SLC35F4: variants seen among roughly 807,000 people sequenced by gnomAD.
SLC35F4 encodes chromosome 14 open reading frame 36.
SLC35F4 carries 24 observed loss-of-function variants against 44.2 expected under a neutral mutation model. The observed-to-expected ratio is 0.54, with a 90% confidence interval of 0.39 to 0.76. The LOEUF (loss-of-function observed/expected upper bound fraction) is 0.76, where lower values mean the gene tolerates loss of function less well. Among genes scored for constraint, SLC35F4 ranks in the 30% least tolerant of loss-of-function variants. The pLI is 0.00. For missense variants in SLC35F4, 562 were observed against 586.1 expected (o/e 0.96, Z 0.42); for synonymous variants, 238 against 223.6 (o/e 1.06, Z -0.57).
chr14:57,641,072 A>G lies in SLC35F4; in HGVS notation c.104-46948T>C, dbSNP rs1417193519. Among the ~76,000 whole-genome samples the G allele has an allele frequency of 1.3e-5, 2 of 151,950 alleles. 1 individual carries two copies. Among genetic ancestry groups the G allele is most frequent in the Non-Finnish European group, 2.9e-5 (2 of 67,924 alleles). On this transcript the variant is annotated intron_variant, in intron 1 of 7. Transcript: ENST00000556826. ...CCACACGAAAGTGAAAATCAATACA[A>G]TGTTATAAAGAAACAGTTGTTCTAT...
At chr14:57,598,894 T>A (rs1292054770) in intron 1 of SLC35F4, among the ~76,000 whole-genome samples, 4 of 16,128 alleles carry the variant, frequency 2.5e-4, no homozygotes, top group African/African-American at 5.1e-4. Context: ...TGTGTGTATG[T>A]GTGTGTGTGT....
intron 1 of SLC35F4, among the ~76,000 whole-genome samples, chr14:57,925,045 A>G (rs980236314): frequency 2.0e-5 from 3 of 152,034 alleles, no homozygotes; most frequent in Admixed American, 1.3e-4. Context: ...CACAGCCATC[A>G]TGCCTGGCCA....
At chr14:57,753,485 T>C (rs1180895193) in intron 1 of SLC35F4, among the ~76,000 whole-genome samples, 1 of 152,112 alleles carries the variant, frequency 6.6e-6, no homozygotes, top group Non-Finnish European at 1.5e-5. Flanking sequence ...GGGAGGGGTT[T>C]CCTAGATACC....
At chr14:57,695,194 T>G (rs545288411) in intron 1 of SLC35F4, among the ~76,000 whole-genome samples, 1 of 152,132 alleles carries the variant, frequency 6.6e-6, no homozygotes, top group Admixed American at 6.5e-5. Flanking sequence ...CTAAAGAGCT[T>G]CTGCACAGCA....
chr14:57,883,923 G>A (rs77215918), intron 1 of SLC35F4, among the ~76,000 whole-genome samples: 12,292 of 152,072 alleles, frequency 0.081, 556 homozygotes, highest in Middle Eastern at 0.14. Flanking sequence ...TTGATTGTCC[G>A]TGTTATTTAC....
intron 1 of SLC35F4, among the ~76,000 whole-genome samples, chr14:57,793,686 A>G (rs1274691189): frequency 6.6e-6 from 1 of 152,100 alleles, no homozygotes; most frequent in Non-Finnish European, 1.5e-5. Flanking sequence ...CAATAAACAT[A>G]TGTGTCCAGG....
chr14:57,881,203 C>T (rs1163725150), intron 1 of SLC35F4, among the ~76,000 whole-genome samples: 22 of 152,280 alleles, frequency 1.4e-4, no homozygotes, highest in Non-Finnish European at 1.5e-5. Flanking sequence ...GCTCAGTATA[C>T]TTTCAGATTC....
chr14:57,817,342 T>A (rs1882711492), intron 1 of SLC35F4, among the ~76,000 whole-genome samples: 1 of 152,076 alleles, frequency 6.6e-6, no homozygotes, highest in South Asian at 2.1e-4. Flanking sequence ...TCCTTTTGAA[T>A]TCTCCAGCCT....
intron 4 of SLC35F4, among the ~76,000 whole-genome samples, chr14:57,576,379 A>C (rs2068789871): frequency 6.6e-6 from 1 of 152,206 alleles, no homozygotes; most frequent in South Asian, 2.1e-4. Context: ...TGCAGATCTC[A>C]GACCACACTG....
At chr14:57,654,913 C>G (rs1251048152) in intron 1 of SLC35F4, among the ~76,000 whole-genome samples, 1 of 152,144 alleles carries the variant, frequency 6.6e-6, no homozygotes, top group African/African-American at 2.4e-5. Flanking sequence ...AGCACCCTAG[C>G]TTATTTAAAG....
intron 1 of SLC35F4, among the ~76,000 whole-genome samples, chr14:57,966,736 G>C (rs966597517): frequency 2.0e-4 from 31 of 152,332 alleles, no homozygotes; most frequent in African/African-American, 7.0e-4. Flanking sequence ...TAGGCTAGGT[G>C]CAGTGGTACA....
intron 1 of SLC35F4, among the ~76,000 whole-genome samples, chr14:57,851,227 A>C (rs1886531540): frequency 6.6e-6 from 1 of 152,236 alleles, no homozygotes; most frequent in African/African-American, 2.4e-5. Flanking sequence ...TAACAAATTT[A>C]AATTATTTCC....
At chr14:57,926,731 G>GC (rs1421812487) in intron 1 of SLC35F4, among the ~76,000 whole-genome samples, 1 of 150,196 alleles carries the variant, frequency 6.7e-6, no homozygotes, top group Non-Finnish European at 1.5e-5. Flanking sequence ...GGGTTGGGGG[G>GC]GGGGGGTGGA....
At chr14:57,753,488 T>G (rs1001780564) in intron 1 of SLC35F4, among the ~76,000 whole-genome samples, 2 of 152,140 alleles carry the variant, frequency 1.3e-5, no homozygotes, top group Non-Finnish European at 2.9e-5. Flanking sequence ...AGGGGTTTCC[T>G]AGATACCTCA....
chr14:57,725,342 G>A (rs532004160), intron 1 of SLC35F4, among the ~76,000 whole-genome samples: 46 of 152,282 alleles, frequency 3.0e-4, no homozygotes, highest in African/African-American at 1.1e-3. Context: ...CTGAGCCCTC[G>A]ATATGGCACC....
chr14:57,601,923 A>G (rs1328257829), intron 1 of SLC35F4, among the ~76,000 whole-genome samples: 1 of 152,186 alleles, frequency 6.6e-6, no homozygotes, highest in Non-Finnish European at 1.5e-5. Flanking sequence ...CTAAGTATTG[A>G]TGAAAACTCA....
intron 1 of SLC35F4, among the ~76,000 whole-genome samples, chr14:57,863,541 A>G (rs1041263676): frequency 5.3e-5 from 8 of 152,220 alleles, no homozygotes; most frequent in Non-Finnish European, 7.3e-5. Flanking sequence ...TTTCTTAAGT[A>G]TATTTTTCCA....
chr14:57,840,103 G>T (rs187371778), intron 1 of SLC35F4, among the ~76,000 whole-genome samples: 2 of 151,982 alleles, frequency 1.3e-5, no homozygotes, highest in Admixed American at 6.6e-5. Flanking sequence ...TTTAATTCTC[G>T]CAAAATCCAA....
intron 1 of SLC35F4, among the ~76,000 whole-genome samples, chr14:57,873,615 CA>C (rs561009608): frequency 1.4e-3 from 220 of 152,004 alleles, no homozygotes; most frequent in African/African-American, 1.9e-3. Flanking sequence ...TTTTTTAATG[CA>C]GGGGGAAAAT....
Sources: allele counts gnomAD v4.1 joint callset (sites outside exome capture counted in the v4.1 genomes callset), GRCh38; gene constraint gnomAD v4.1.1; transcripts MANE v1.5; gene names NCBI Gene and HGNC (gene_info 2026-07-23, HGNC 2026-07-21).